The following ARHGEF7 variants were observed in gnomAD, a reference collection of about 807,000 sequenced individuals.
ARHGEF7 encodes PAK-interacting exchange factor beta.
A neutral mutation model predicts 109.8 loss-of-function variants in ARHGEF7; 33 were observed. That is an observed-to-expected ratio of 0.30 (90% CI 0.23 to 0.40). The LOEUF is 0.40. ARHGEF7 is among the 10% of genes least tolerant of loss of function. The pLI, the probability that ARHGEF7 is intolerant of heterozygous loss-of-function variation, is 1.00. For missense variants in ARHGEF7, 938 were observed against 1,098.5 expected, an observed-to-expected ratio of 0.85 and a Z score of 2.07; for synonymous variants, 458 against 424.6, an observed-to-expected ratio of 1.08 and a Z score of -0.97.
At chr13:111,231,285 G>GT in intron 5 of ARHGEF7, among the ~76,000 whole-genome samples, 1 of 152,348 alleles carries the variant, frequency 6.6e-6, no homozygotes, top group South Asian at 2.1e-4. Context: ...AAGAGATTGA[G>GT]TAGGTAAGTG....
chr13:111,206,970 AAAAAAG>A (rs1180985034), intron 3 of ARHGEF7, among the ~76,000 whole-genome samples: 1 of 141,698 alleles, frequency 7.1e-6, no homozygotes, highest in African/African-American at 2.5e-5. Flanking sequence ...TAAAAAAAAA[AAAAAAG>A]AAAAAGAAAA....
intron 19 of ARHGEF7, among the ~76,000 whole-genome samples, chr13:111,299,769 G>A (rs895114243): frequency 9.2e-5 from 14 of 152,122 alleles, no homozygotes; most frequent in African/African-American, 2.7e-4. Context: ...AGCAAAAGGC[G>A]GGCCAGAAGA....
intron 2 of ARHGEF7, chr13:111,182,193 C>T (rs375349367): frequency 7.9e-5 from 12 of 152,136 alleles, no homozygotes; most frequent in African/African-American, 2.2e-4. Context: ...GCTGGTGTGC[C>T]GCCTCCATAC....
intron 1 of ARHGEF7, among the ~76,000 whole-genome samples, chr13:111,126,436 G>C (rs1323423522): frequency 6.6e-6 from 1 of 151,288 alleles, no homozygotes; most frequent in Non-Finnish European, 1.5e-5. Context: ...GTTGCAGTGA[G>C]CCGAGATCGT....
chr13:111,240,763 T>G (rs1416011203), intron 6 of ARHGEF7, among the ~76,000 whole-genome samples: 5 of 152,192 alleles, frequency 3.3e-5, no homozygotes, highest in Non-Finnish European at 7.3e-5. Flanking sequence ...TTTTTGGTTT[T>G]TCTTCTTGGA....
intron 8 of ARHGEF7, among the ~76,000 whole-genome samples, chr13:111,250,119 C>T (rs2153557773): frequency 6.6e-6 from 1 of 152,304 alleles, no homozygotes; most frequent in African/African-American, 2.4e-5. Context: ...ACAGTTCTTC[C>T]TTTCATCAGC....
chr13:111,275,212 G>A (rs899366938), intron 11 of ARHGEF7, among the ~76,000 whole-genome samples: 6 of 152,076 alleles, frequency 3.9e-5, no homozygotes, highest in Admixed American at 6.5e-5. Context: ...TGGCAAACAC[G>A]AACAAAACCA....
intron 1 of ARHGEF7, among the ~76,000 whole-genome samples, chr13:111,122,216 G>A (rs1594798682): frequency 6.6e-6 from 1 of 152,228 alleles, no homozygotes; most frequent in South Asian, 2.1e-4. Flanking sequence ...GCACACAGCT[G>A]CTGGTTGGGG....
chr13:111,125,566 G>A lies in ARHGEF7; in HGVS notation c.165+9875G>A, dbSNP rs146270911. 2.6e-4 allele frequency among the ~76,000 whole-genome samples: 39 copies of A among 152,242 alleles called. No individual in the cohort carries two copies. In the East Asian group the frequency reaches 6.4e-3, roughly 25 times the overall value. On this transcript the variant is annotated intron_variant, in intron 1 of 21. Coordinates refer to ENST00000646102, the MANE Select transcript of ARHGEF7 (RefSeq NM_001354046.2). ...TGTGTTTGGATTTGCGTGTTCTCTC[G>A]CCATGAAGCCTTGTTCTGACAGTGT...
rs567455786 is a variant in ARHGEF7, at chr13:111,181,583, T to C, written c.253-23706T>C. Among the ~76,000 whole-genome samples, 15 of 152,308 alleles carry C rather than the reference T, an allele frequency of 9.8e-5. No homozygotes were observed. In the South Asian group the frequency reaches 2.3e-3, roughly 23 times the overall value. ...GAACTTGGAGTATTTCTCCAGGTGC[T>C]GTTCATCAGTTTGCACTCGGTTCTG... On this transcript the variant is annotated intron_variant, in intron 2 of 21. Transcript: ENST00000646102.
chr13:111,171,154 CT>C (rs2077565483), intron 2 of ARHGEF7, among the ~76,000 whole-genome samples: 1 of 152,174 alleles, frequency 6.6e-6, no homozygotes, highest in South Asian at 2.1e-4. Context: ...CTTAGAGTTA[CT>C]TTTGTTCAGG....
At chr13:111,155,803 T>G (rs1468263879) in intron 2 of ARHGEF7, among the ~76,000 whole-genome samples, 2 of 152,178 alleles carry the variant, frequency 1.3e-5, no homozygotes, top group Admixed American at 6.5e-5. Context: ...AGGCTGGGTG[T>G]GGTGGCTCAC....
At position 111,203,038 on chromosome 13, in the gene ARHGEF7, T is replaced by C. The variant is rs892091708; in HGVS notation, c.253-2251T>C. On this transcript the variant is annotated intron_variant, in intron 2 of 21. Transcript: ENST00000646102. ...GTATCCAAGTAAGAAAGATATATAGTTCTGGAATAACAGGAAACTTCACAT... is the reference window on the plus strand; with the variant it reads ...GTATCCAAGTAAGAAAGATATATAGCTCTGGAATAACAGGAAACTTCACAT... 3 of 1,261,552 alleles carry C rather than the reference T, an allele frequency of 2.4e-6. No individual in the cohort carries two copies. In the African/African-American group the frequency reaches 4.7e-5, roughly 20 times the overall value. 78.1% of individuals were successfully genotyped at this position (1,261,552 alleles called of 1,614,324 possible). A position where few individuals can be genotyped will look rare whatever the true frequency, so the allele number is the denominator to read the frequency against.
At chr13:111,141,792 C>T (rs1292618612) in intron 1 of ARHGEF7, among the ~76,000 whole-genome samples, 1 of 152,154 alleles carries the variant, frequency 6.6e-6, no homozygotes, top group Non-Finnish European at 1.5e-5. Flanking sequence ...CAAATGTGTG[C>T]AGGGTTTTGT....
chr13:111,206,819 A>G (rs1330608476), intron 3 of ARHGEF7, among the ~76,000 whole-genome samples: 3 of 151,870 alleles, frequency 2.0e-5, no homozygotes, highest in Non-Finnish European at 2.9e-5. Flanking sequence ...AAAATTAGCC[A>G]GGCGTGGTGG....
rs1594909017 is a variant in ARHGEF7, at chr13:111,134,392, G to A, written c.165+18701G>A. 2.0e-5 allele frequency among the ~76,000 whole-genome samples: 3 copies of A among 151,974 alleles called. No homozygotes were observed. The South Asian group carries it at 6.2e-4, about 32-fold the overall frequency. Reference sequence around the variant, plus strand: ...CACTGTCTTCCACACTGGTTGAACTGGTTTACAGTCCCACCAACAGTGTAA... The same window carrying A: ...CACTGTCTTCCACACTGGTTGAACTAGTTTACAGTCCCACCAACAGTGTAA... On this transcript the variant is annotated intron_variant, in intron 1 of 21. Coordinates refer to ENST00000646102, the MANE Select transcript of ARHGEF7 (RefSeq NM_001354046.2).
chr13:111,118,991 G>T (rs1482379963), intron 1 of ARHGEF7, among the ~76,000 whole-genome samples: 2 of 152,110 alleles, frequency 1.3e-5, no homozygotes, highest in Non-Finnish European at 2.9e-5. Flanking sequence ...GGAGGCATTT[G>T]TCTCTCAGCT....
chr13:111,294,861 TGG>T, intron 19 of ARHGEF7: 5 of 985,908 alleles, frequency 5.1e-6, no homozygotes, highest in Non-Finnish European at 6.0e-6. Context: ...ATGGCCTAAA[TGG>T]TGTTCCCTTT....
At chr13:111,193,211 G>A (rs1177527064) in intron 2 of ARHGEF7, among the ~76,000 whole-genome samples, 1 of 152,212 alleles carries the variant, frequency 6.6e-6, no homozygotes, top group Non-Finnish European at 1.5e-5. Flanking sequence ...ACCCCGAGGG[G>A]AGACAACTAT....
Sources: allele counts gnomAD v4.1 joint callset (sites outside exome capture counted in the v4.1 genomes callset), GRCh38; gene constraint gnomAD v4.1.1; transcripts MANE v1.5; gene names NCBI Gene and HGNC (gene_info 2026-07-23, HGNC 2026-07-21).